Variants in PIDD1 observed in about 807,000 individuals in gnomAD.
PIDD1 encodes the protein p53-induced death domain-containing protein 1.
Under a neutral mutation model 80.0 loss-of-function variants are expected in PIDD1, and 72 were observed. That is an observed-to-expected ratio of 0.90 (90% confidence interval 0.74 to 1.09). The LOEUF is 1.09. Among genes scored for constraint, PIDD1 ranks in the 50% least tolerant of loss-of-function variants. The probability of loss-of-function intolerance (pLI) is 0.00; values close to 1 mark genes in which losing one functional copy is unlikely to be tolerated. For synonymous variants in PIDD1, 655 were observed against 543.5 expected (o/e 1.21, Z -2.85); for missense variants, 1,329 against 1,228.3 (o/e 1.08, Z -1.23).
At position 800,932 on chromosome 11, in the gene PIDD1, G is replaced by C. The variant is rs1348250634; in HGVS notation, c.1767-20C>G. On this transcript the variant is annotated intron_variant, in intron 10 of 15. Coordinates refer to ENST00000347755, the MANE Select transcript of PIDD1 (RefSeq NM_145886.4). ...CAGTACCTGGGAGAGCTGGGGGTGA[G>C]GAGGGCTGTACAGACTGGGGGAGGG... is the stretch of plus-strand genomic sequence containing the variant. 6.3e-7 allele frequency: 1 copy of C among 1,596,224 alleles called. No individual in the cohort carries two copies. Among genetic ancestry groups the C allele is most frequent in the Non-Finnish European group, 8.5e-7 (1 of 1,172,188 alleles).
intron 14 of PIDD1, 42 bp downstream of exon 14, chr11:800,089 G>A (rs368878936): frequency 3.1e-6 from 5 of 1,604,134 alleles, no homozygotes; most frequent in East Asian, 2.2e-5. Context: ...TCACCCCTGG[G>A]CCTCGGTCCT....
chr11:807,640 G>A (rs539578310), upstream of PIDD1, among the ~76,000 whole-genome samples: 115 of 152,182 alleles, frequency 7.6e-4, no homozygotes, highest in Middle Eastern at 0.017. Context: ...AGCCGGGCGC[G>A]GTAGCAGGCG....
rs1210854098 is a variant in PIDD1, at chr11:802,047, C to T, written c.1220G>A (p.Arg407His). ...WLLFTPPQARRCREVVVRTRN... is the reference protein window; with the variant it reads ...WLLFTPPQARHCREVVVRTRN... Reference sequence around the variant, plus strand: ...GGTCCTGACCACCACTTCACGGCAGCGCCGGGCCTGCGGTGGGGTGAAGAG... The same window carrying T: ...GGTCCTGACCACCACTTCACGGCAGTGCCGGGCCTGCGGTGGGGTGAAGAG... The change falls in exon 7 of 16, where the codon CGC becomes CAC. Residue 407 changes from arginine (R) to histidine (H), a missense_variant. Arg to His is a conservative substitution (Grantham distance 29, BLOSUM62 0). Transcript: ENST00000347755. 5.7e-6 allele frequency: 9 copies of T among 1,590,252 alleles called. No homozygotes were observed. In the African/African-American group the frequency reaches 8.0e-5, roughly 14 times the overall value.
Position 801,633 on chromosome 11 carries a change from G to A in PIDD1, c.1303-9C>T. 6.4e-7 allele frequency: 1 copy of A among 1,553,120 alleles called. No homozygotes were observed. Among genetic ancestry groups the A allele is most frequent in the Non-Finnish European group, 8.7e-7 (1 of 1,147,932 alleles). On this transcript the variant is annotated splice_polypyrimidine_tract_variant and intron_variant, in intron 7 of 15. Transcript: ENST00000347755. Reference sequence around the variant, plus strand: ...CAGTGAGCCCAGAGCCGCTGGGATGGGGGAGAGAGGAGGTCACAGGAGCCT... The same window carrying A: ...CAGTGAGCCCAGAGCCGCTGGGATGAGGGAGAGAGGAGGTCACAGGAGCCT...
upstream of PIDD1, among the ~76,000 whole-genome samples, chr11:807,157 A>G (rs1359965456): frequency 7.1e-6 from 1 of 141,142 alleles, no homozygotes; most frequent in African/African-American, 2.7e-5. Context: ...TCGGCACTGC[A>G]CTCCAGCTTG....
At position 800,019 on chromosome 11, in the gene PIDD1, TG is replaced by T; in HGVS notation, c.2275-6del. ...CCCCTCGGACCCTCGAAGTCTCTGT[TG>T]GAAGGAAAAAGTGCATTAAGCCCTG... is the stretch of plus-strand genomic sequence containing the variant. On this transcript the variant is annotated splice_region_variant and splice_polypyrimidine_tract_variant and intron_variant, in intron 14 of 15. Coordinates refer to ENST00000347755, the MANE Select transcript of PIDD1 (RefSeq NM_145886.4). 6.2e-7 allele frequency: 1 copy of T among 1,612,542 alleles called. No individual in the cohort carries two copies. The highest frequency in any genetic ancestry group is 1.3e-5 in the African/African-American group (1 of 75,026).
At chr11:807,638 G>A (rs548621453), upstream of PIDD1, among the ~76,000 whole-genome samples, 2 of 151,990 alleles carry the variant, frequency 1.3e-5, no homozygotes, top group Admixed American at 6.6e-5. Flanking sequence ...TTAGCCGGGC[G>A]CGGTAGCAGG....
At position 801,627 on chromosome 11, in the gene PIDD1, G is replaced by A. The variant is rs1019335285; in HGVS notation, c.1303-3C>T. ...ACCTGGCAGTGAGCCCAGAGCCGCT[G>A]GGATGGGGGAGAGAGGAGGTCACAG... On this transcript the variant is annotated splice_polypyrimidine_tract_variant and splice_region_variant and intron_variant, in intron 7 of 15. Transcript: ENST00000347755. 2.6e-5 allele frequency: 39 copies of A among 1,516,114 alleles called. No homozygotes were observed. The highest frequency in any genetic ancestry group is 3.2e-5 in the Non-Finnish European group (36 of 1,131,276). 93.9% of individuals were successfully genotyped at this position (1,516,114 alleles called of 1,614,324 possible).
At chr11:805,626 A>G, upstream of PIDD1, 1 of 985,390 alleles carries the variant, frequency 1.0e-6, no homozygotes, top group Non-Finnish European at 1.2e-6. Flanking sequence ...CCCTGCTACA[A>G]GCCGGAACAA....
In PIDD1 at chr11:802,548, C is replaced by T. The variant is rs1372625102; in HGVS notation, c.969G>A (p.Leu323=). The change falls in exon 5 of 16, where the codon TTG becomes TTA. Residue 323 remains leucine (L), a synonymous_variant. Transcript: ENST00000347755. ...EMPRLFLTSD[L]DSFPVTPQGC... ...CCCCTCAACCCACCCCATACCTGTC[C>T]AAATCTGAGGTCAGGAACAGTCTGG... is the stretch of plus-strand genomic sequence containing the variant. 1.2e-6 allele frequency: 2 copies of T among 1,613,342 alleles called. No homozygotes were observed. Among genetic ancestry groups the T allele is most frequent in the Middle Eastern group, 1.6e-4 (1 of 6,062 alleles).
At position 802,201 on chromosome 11, in the gene PIDD1, G is replaced by C. The variant is rs765689799; in HGVS notation, c.1170C>G (p.Phe390Leu). Residue 390 changes from phenylalanine (F) to leucine (L), a missense_variant, in exon 6 of 16, where the codon TTC (phenylalanine) becomes TTG (leucine). Coordinates refer to ENST00000347755, the MANE Select transcript of PIDD1 (RefSeq NM_145886.4). ...CGCCACGCCCTGTCCATGCCTGCTG[G>C]AAGGCCACCCCATGGGGCTGCAGCT... Reference protein sequence around the residue: ...VLELQPHGVAFQQDVGLWLLF... With the variant: ...VLELQPHGVALQQDVGLWLLF... The C allele has an allele frequency of 6.2e-7, 1 of 1,604,156 alleles. No individual in the cohort carries two copies. Among genetic ancestry groups the C allele is most frequent in the East Asian group, 2.2e-5 (1 of 44,574 alleles).
Position 799,952 on chromosome 11 carries a change from C to A in PIDD1, c.2337G>T (p.Leu779=), listed in dbSNP as rs773226675. 1 of 1,612,740 alleles carries A rather than the reference C, an allele frequency of 6.2e-7. No individual in the cohort carries two copies. The highest frequency in any genetic ancestry group is 1.3e-5 in the African/African-American group (1 of 74,944). ...GAGLSLAPLN[L]GDAETGFLTQ... ...TCAGAAAGCCGGTCTCGGCATCTCCCAGATTCAAGGGTGCCAAGGAGAGGC... is the reference window on the plus strand; with the variant it reads ...TCAGAAAGCCGGTCTCGGCATCTCCAAGATTCAAGGGTGCCAAGGAGAGGC... The change falls in exon 15 of 16, where the codon CTG becomes CTT. Residue 779 remains leucine (L), a synonymous_variant. Coordinates refer to ENST00000347755, the MANE Select transcript of PIDD1 (RefSeq NM_145886.4).
At position 802,804 on chromosome 11, in the gene PIDD1, G is replaced by C. The variant is rs1237655990; in HGVS notation, c.797C>G (p.Thr266Ser). 6.2e-7 allele frequency: 1 copy of C among 1,604,376 alleles called. No homozygotes were observed. The highest frequency in any genetic ancestry group is 1.1e-5 in the South Asian group (1 of 89,600). Residue 266 changes from threonine to serine, a missense_variant, in exon 4 of 16, where the codon ACC (threonine) becomes AGC (serine). Coordinates refer to ENST00000347755, the MANE Select transcript of PIDD1 (RefSeq NM_145886.4). ...PADLARLPLL[T>S]RLDLRDNQLR... The stretch of plus-strand genomic sequence containing the variant: ...CTGGTTGTCCCTCAGGTCGAGCCGG[G>C]TGAGGAGTGGAAGGCGGGCCAAGTC...
At position 800,131 on chromosome 11, in the gene PIDD1, C is replaced by T. The variant is rs766824154; in HGVS notation, c.2274G>A (p.Pro758=). Residue 758 remains proline, a splice_region_variant and synonymous_variant, in exon 14 of 16, where the codon CCG becomes CCA. Transcript: ENST00000347755. ...LWMATLPIKL[P]RLRGSEGPRR... ...CCCCTCTGCTGTCCCTCAGTCCCAC[C>T]GGCAGCTTGATGGGCAGAGTGGCCA... 1.4e-5 allele frequency: 22 copies of T among 1,609,474 alleles called. No homozygotes were observed. Among genetic ancestry groups the T allele is most frequent in the Admixed American group, 1.7e-5 (1 of 59,544 alleles).
intron 3 of PIDD1, 119 bp from the exon 4 acceptor site, chr11:803,010 C>CTCT (rs1286930297): frequency 9.5e-7 from 1 of 1,057,140 alleles, no homozygotes; most frequent in African/African-American, 1.6e-5. Flanking sequence ...GCTCAGAGAA[C>CTCT]TCTGACAAAG....
chr11:804,055 C>CGAGAG, intron 2 of PIDD1, 39 bp downstream of exon 2: 20 of 1,559,504 alleles, frequency 1.3e-5, no homozygotes, highest in Non-Finnish European at 1.7e-5. Context: ...CAGGGCAGAG[C>CGAGAG]GAGAGATGGA....
At chr11:801,392 C>G in intron 8 of PIDD1, 27 bp from the exon 9 acceptor site, 1 of 1,598,692 alleles carries the variant, frequency 6.3e-7, no homozygotes, top group Non-Finnish European at 8.5e-7. Context: ...CCCTGAGCAC[C>G]TGCCTGTGGG....
At chr11:804,024 T>C in intron 2 of PIDD1, 70 bp downstream of exon 2, 9 of 1,502,334 alleles carry the variant, frequency 6.0e-6, no homozygotes, top group Non-Finnish European at 8.0e-6. Flanking sequence ...GGGGTTTGCC[T>C]TTGAGAACAT....
Position 802,784 on chromosome 11 carries a change from T to C in PIDD1, c.817A>G (p.Asn273Asp). Residue 273 changes from asparagine (N) to aspartate (D), a missense_variant, in exon 4 of 16, where the codon AAC (asparagine) becomes GAC (aspartate). Asn to Asp is a conservative substitution (Grantham distance 23, BLOSUM62 1). Transcript: ENST00000347755. ...TCAGGGGGCAGGTCCCGGAGCTGGT[T>C]GTCCCTCAGGTCGAGCCGGGTGAGG... is the stretch of plus-strand genomic sequence containing the variant. ...PLLTRLDLRD[N>D]QLRDLPPELL... 5 of 1,607,980 alleles carry C rather than the reference T, an allele frequency of 3.1e-6. No homozygotes were observed. Among genetic ancestry groups the C allele is most frequent in the Non-Finnish European group, 4.2e-6 (5 of 1,177,902 alleles).
Sources: gnomAD v4.1 joint callset for allele counts (sites outside exome capture counted in the v4.1 genomes callset) on GRCh38, gnomAD v4.1.1 for gene constraint, MANE v1.5 for transcripts, NCBI Gene and HGNC (gene_info 2026-07-23, HGNC 2026-07-21) for gene names.